KCNQ1: variants seen among roughly 807,000 people sequenced by gnomAD.
KCNQ1 encodes the protein potassium voltage-gated channel subfamily KQT member 1.
A neutral mutation model predicts 72.4 loss-of-function variants in KCNQ1; 49 were observed. The observed-to-expected ratio is 0.68, with a 90% confidence interval of 0.54 to 0.86. The LOEUF (loss-of-function observed/expected upper bound fraction) is 0.86. Among genes scored for constraint, KCNQ1 ranks in the 40% least tolerant of loss-of-function variants. The pLI, the probability that KCNQ1 is intolerant of heterozygous loss-of-function variation, is 0.00. For synonymous variants in KCNQ1, 450 were observed against 412.6 expected (o/e 1.09, Z -1.10); for missense variants, 790 against 945.1 (o/e 0.84, Z 2.15).
chr11:2,741,443 G>A (rs748744182), intron 11 of KCNQ1, among the ~76,000 whole-genome samples: 5 of 152,162 alleles, frequency 3.3e-5, no homozygotes, highest in African/African-American at 9.7e-5. Context: ...GGCTGCACAC[G>A]TGTACGCACA....
In KCNQ1 at chr11:2,670,438, G is replaced by A. The variant is rs1169491653; in HGVS notation, c.1514+8357G>A. ...TGTGTTGGGGTTAGGAGATACTGCT[G>A]TTGGCTGAGACACACAGCCCACATC... On this transcript the variant is annotated intron_variant, in intron 11 of 15. Coordinates refer to ENST00000155840, the MANE Select transcript of KCNQ1 (RefSeq NM_000218.3). The surrounding 1 kb of genome is among the most constrained non-coding windows in gnomAD (Gnocchi z 4.9). 5.0e-6 allele frequency: 2 copies of A among 397,934 alleles called. No individual in the cohort carries two copies. Among genetic ancestry groups the A allele is most frequent in the Admixed American group, 4.4e-5 (1 of 22,620 alleles). 24.7% of individuals were successfully genotyped at this position (397,934 alleles called of 1,614,324 possible).
Position 2,570,717 on chromosome 11 carries a change from G to A in KCNQ1, c.567G>A (p.Gly189=). The change falls in exon 3 of 16, where the codon GGG becomes GGA. Residue 189 remains glycine, a synonymous_variant. Coordinates refer to ENST00000155840, the MANE Select transcript of KCNQ1 (RefSeq NM_000218.3). ...GCAGCAAGTACGTGGGCCTCTGGGG[G>A]CGGCTGCGCTTTGCCCGGAAGCCCA... ...GCRSKYVGLW[G]RLRFARKPIS... 2.5e-6 allele frequency: 4 copies of A among 1,612,328 alleles called. No individual in the cohort carries two copies. The highest frequency in any genetic ancestry group is 3.4e-6 in the Non-Finnish European group (4 of 1,180,016).
Position 2,565,740 on chromosome 11 carries a change from A to C in KCNQ1, c.478-4888A>C, listed in dbSNP as rs1424378948. ...TGGGTCCGATGTGGAGTGCAGTGGC[A>C]TCAGCCAAGGCTCCGAGGCGTTTCT... On this transcript the variant is annotated intron_variant, in intron 2 of 15. Transcript: ENST00000155840. The surrounding 1 kb of genome is among the most constrained non-coding windows in gnomAD (Gnocchi z 5.6). Among the ~76,000 whole-genome samples the C allele has an allele frequency of 6.6e-6, 1 of 152,212 alleles. No homozygotes were observed. The highest frequency in any genetic ancestry group is 1.5e-5 in the Non-Finnish European group (1 of 68,028).
chr11:2,845,200 C>T (rs949561051), intron 15 of KCNQ1, among the ~76,000 whole-genome samples: 2 of 152,200 alleles, frequency 1.3e-5, no homozygotes, highest in Non-Finnish European at 2.9e-5. Context: ...GGTCCCCCTC[C>T]CAGAGGCCCC....
At position 2,628,649 on chromosome 11, in the gene KCNQ1, C is replaced by T. The variant is rs1052673864; in HGVS notation, c.1394-33312C>T. The T allele has an allele frequency of 2.8e-5, 11 of 398,230 alleles. No individual in the cohort carries two copies. The Admixed American group carries it at 3.5e-4, about 13-fold the overall frequency. 24.7% of individuals were successfully genotyped at this position (398,230 alleles called of 1,614,324 possible). A position where few individuals can be genotyped will look rare whatever the true frequency, so the allele number is the denominator to read the frequency against. On this transcript the variant is annotated intron_variant, in intron 10 of 15. Coordinates refer to ENST00000155840, the MANE Select transcript of KCNQ1 (RefSeq NM_000218.3). ...AGACACTTTTTTGTTTGATGTAGTT[C>T]TAATTTATTTTTGCGTTTTATTCCT...
intron 1 of KCNQ1, among the ~76,000 whole-genome samples, chr11:2,511,848 A>C (rs1172175617): frequency 1.3e-5 from 2 of 152,126 alleles, no homozygotes; most frequent in African/African-American, 4.8e-5. Context: ...GGGCCCCTCA[A>C]TCTGCCCTGT....
At chr11:2,518,342 G>T (rs1328334251) in intron 1 of KCNQ1, among the ~76,000 whole-genome samples, 2 of 152,240 alleles carry the variant, frequency 1.3e-5, no homozygotes, top group Admixed American at 1.3e-4. Context: ...GGGGGGTCTT[G>T]TAACATGGGA....
Position 2,602,639 on chromosome 11 carries a change from T to G in KCNQ1, c.1393+13785T>G, listed in dbSNP as rs1848823593. Reference sequence around the variant, plus strand: ...CCATTCAGATAGGTGTGTAGTGAGATCTCATTGTGGTTTACATTTACATTT... The same window carrying G: ...CCATTCAGATAGGTGTGTAGTGAGAGCTCATTGTGGTTTACATTTACATTT... On this transcript the variant is annotated intron_variant, in intron 10 of 15. Coordinates refer to ENST00000155840, the MANE Select transcript of KCNQ1 (RefSeq NM_000218.3). This position sits in a 1 kb window ranked among gnomAD's most constrained non-coding sequence, Gnocchi z 4.8. 6.6e-6 allele frequency among the ~76,000 whole-genome samples: 1 copy of G among 152,236 alleles called. No individual in the cohort carries two copies. The highest frequency in any genetic ancestry group is 1.5e-5 in the Non-Finnish European group (1 of 68,034).
rs774503566 is a variant in KCNQ1, at chr11:2,661,554, A to G, written c.1394-407A>G. On this transcript the variant is annotated intron_variant, in intron 10 of 15. Coordinates refer to ENST00000155840, the MANE Select transcript of KCNQ1 (RefSeq NM_000218.3). This position sits in a 1 kb window ranked among gnomAD's most constrained non-coding sequence, Gnocchi z 5.9. ...TCCTGACCCACTACTCTGTCAATGT[A>G]TGAGTGTGACAATGTATGGTGGTGG... is the stretch of plus-strand genomic sequence containing the variant. The G allele has an allele frequency of 3.2e-5, 17 of 533,234 alleles. No homozygotes were observed. Among genetic ancestry groups the G allele is most frequent in the Non-Finnish European group, 5.3e-5 (16 of 301,246 alleles). The allele number at this position is 533,234 out of a possible 1,614,324, so 33.0% of individuals were successfully genotyped here. A position where few individuals can be genotyped will look rare whatever the true frequency, so the allele number is the denominator to read the frequency against.
Position 2,848,267 on chromosome 11 carries a change from T to C in KCNQ1, c.*264T>C, listed in dbSNP as rs45579540. On this transcript the variant is annotated 3_prime_UTR_variant, in exon 16 of 16. Transcript: ENST00000155840. ...GCGCCCTGGCCCCCACATGGTGATG[T>C]TGACATCACTGGCATGGTGGTTGGG... is the stretch of plus-strand genomic sequence containing the variant. 9,142 of 644,022 alleles carry C rather than the reference T, an allele frequency of 0.014. 101 individuals are homozygous for C. The highest frequency in any genetic ancestry group is 0.047 in the Middle Eastern group (117 of 2,466). 39.9% of individuals were successfully genotyped at this position (644,022 alleles called of 1,614,324 possible).
At chr11:2,525,263 G>A (rs1042163274) in intron 1 of KCNQ1, among the ~76,000 whole-genome samples, 4 of 152,248 alleles carry the variant, frequency 2.6e-5, no homozygotes, top group Admixed American at 2.0e-4. Flanking sequence ...GGTGCCCAGT[G>A]CAGATGGGCA....
chr11:2,688,340 G>T (rs1044955622), intron 11 of KCNQ1: 7 of 398,668 alleles, frequency 1.8e-5, no homozygotes, highest in Middle Eastern at 6.2e-4. Context: ...TTCCATGGGG[G>T]TCTTCCTCTC....
rs966874232 is a variant in KCNQ1 at position 2,710,069 on chromosome 11, T to C, written c.1514+47988T>C. ...ACCTTTTGAGGATCTGCCAGACTGT[T>C]TTCCAATGTGGCAGCACCATTTTGC... On this transcript the variant is annotated intron_variant, in intron 11 of 15. Transcript: ENST00000155840. This position sits in a 1 kb window ranked among gnomAD's most constrained non-coding sequence, Gnocchi z 4.1. 2.6e-5 allele frequency among the ~76,000 whole-genome samples: 4 copies of C among 152,196 alleles called. No individual in the cohort carries two copies. The highest frequency in any genetic ancestry group is 9.7e-5 in the African/African-American group (4 of 41,440).
chr11:2,669,322 T>C lies in KCNQ1; in HGVS notation c.1514+7241T>C, dbSNP rs1850140693. ...CATATGCCAGTTGCCATGGAAAGCC[T>C]CCTCTAGGCGCAGCAGCCTCTAGAT... On this transcript the variant is annotated intron_variant, in intron 11 of 15. Coordinates refer to ENST00000155840, the MANE Select transcript of KCNQ1 (RefSeq NM_000218.3). The surrounding 1 kb of genome is among the most constrained non-coding windows in gnomAD (Gnocchi z 5.6). 1 of 398,540 alleles carries C rather than the reference T, an allele frequency of 2.5e-6. No individual in the cohort carries two copies. The highest frequency in any genetic ancestry group is 2.1e-5 in the African/African-American group (1 of 48,632). The allele number at this position is 398,540 out of a possible 1,614,324, so 24.7% of individuals were successfully genotyped here.
In KCNQ1 at chr11:2,715,328, A is replaced by AG. The variant is rs905596006; in HGVS notation, c.1514+53250dup. ...TAAAGACCTGCGGGCTGTGTCATGG[A>AG]GGGCCCTTACCCCGGAGGAGCCAGG... On this transcript the variant is annotated intron_variant, in intron 11 of 15. Coordinates refer to ENST00000155840, the MANE Select transcript of KCNQ1 (RefSeq NM_000218.3). This position sits in a 1 kb window ranked among gnomAD's most constrained non-coding sequence, Gnocchi z 4.9. 6.6e-6 allele frequency among the ~76,000 whole-genome samples: 1 copy of AG among 152,046 alleles called. No individual in the cohort carries two copies. Among genetic ancestry groups the AG allele is most frequent in the African/African-American group, 2.4e-5 (1 of 41,374 alleles).
chr11:2,449,662 G>C (rs1282165024), intron 1 of KCNQ1, among the ~76,000 whole-genome samples: 1 of 152,208 alleles, frequency 6.6e-6, no homozygotes, highest in Non-Finnish European at 1.5e-5. Flanking sequence ...GAGTGCCTTT[G>C]GGGGCAGCTG....
chr11:2,679,008 G>A lies in KCNQ1; in HGVS notation c.1514+16927G>A. On this transcript the variant is annotated intron_variant, in intron 11 of 15. Coordinates refer to ENST00000155840, the MANE Select transcript of KCNQ1 (RefSeq NM_000218.3). This position sits in a 1 kb window ranked among gnomAD's most constrained non-coding sequence, Gnocchi z 4.8. ...AAGAATTTTTAAAAACCCGCAATAA[G>A]AAACATAATCTAAAACTTGTAGCCC... The A allele has an allele frequency of 2.5e-6, 1 of 398,584 alleles. No individual in the cohort carries two copies. The highest frequency in any genetic ancestry group is 3.6e-5 in the East Asian group (1 of 28,088). The allele number at this position is 398,584 out of a possible 1,614,324, so 24.7% of individuals were successfully genotyped here.
intron 1 of KCNQ1, among the ~76,000 whole-genome samples, chr11:2,454,340 C>T (rs909815154): frequency 1.3e-5 from 2 of 152,020 alleles, no homozygotes; most frequent in Non-Finnish European, 1.5e-5. Context: ...TGTTCGTAAT[C>T]GCTTGGTGAA....
intron 10 of KCNQ1, among the ~76,000 whole-genome samples, chr11:2,605,860 C>T (rs569286639): frequency 1.1e-4 from 17 of 152,308 alleles, no homozygotes; most frequent in Admixed American, 5.2e-4. Flanking sequence ...TAGATCAGCA[C>T]GATTCCGGGA....
Sources: gnomAD v4.1 joint callset for allele counts (sites outside exome capture counted in the v4.1 genomes callset) on GRCh38, gnomAD v4.1.1 for gene constraint, Gnocchi (gnomAD v3.1) non-coding constraint, MANE v1.5 for transcripts, NCBI Gene and HGNC (gene_info 2026-07-23, HGNC 2026-07-21) for gene names.